Variants in NHSL1 observed in about 807,000 individuals in gnomAD.
NHSL1 encodes the protein NHS like 1.
A neutral mutation model predicts 95.0 loss-of-function variants in NHSL1; 48 were observed. The observed-to-expected ratio is 0.51, with a 90% CI of 0.40 to 0.64. The LOEUF (loss-of-function observed/expected upper bound fraction) is 0.64. Among genes scored for constraint, NHSL1 ranks in the 30% least tolerant of loss-of-function variants. The pLI, the probability that NHSL1 is intolerant of heterozygous loss-of-function variation, is 0.00. For synonymous variants in NHSL1, 783 were observed against 833.9 expected (o/e 0.94, Z 1.05); for missense variants, 1,971 against 2,077.7 (o/e 0.95, Z 1.00).
intron 1 of NHSL1, among the ~76,000 whole-genome samples, chr6:138,621,223 T>C (rs935653671): frequency 1.3e-5 from 2 of 152,214 alleles, no homozygotes; most frequent in Admixed American, 6.5e-5. Context: ...AAGTCAAACA[T>C]ATGAAAGTTC....
At chr6:138,487,739 C>T (rs1448076657) in intron 2 of NHSL1, among the ~76,000 whole-genome samples, 2 of 152,174 alleles carry the variant, frequency 1.3e-5, no homozygotes, top group African/African-American at 4.8e-5. Flanking sequence ...CCACTGACAA[C>T]ACTGCAACCA....
chr6:138,546,737 G>C (rs75913058), upstream of NHSL1, among the ~76,000 whole-genome samples: 1 of 152,300 alleles, frequency 6.6e-6, no homozygotes, highest in South Asian at 2.1e-4. Context: ...ATTAGAGTAC[G>C]AGAATTTCTA....
At position 138,425,021 on chromosome 6, in the gene NHSL1, G is replaced by GGAGTCC. The variant is rs373750596; in HGVS notation, c.4086-206_4086-205insGGACTC. 2.7e-3 allele frequency among the ~76,000 whole-genome samples: 415 copies of GGAGTCC among 152,036 alleles called. 3 individuals are homozygous for GGAGTCC. Among genetic ancestry groups the GGAGTCC allele is most frequent in the African/African-American group, 9.3e-3 (386 of 41,456 alleles). On this transcript the variant is annotated intron_variant, in intron 7 of 7. Coordinates refer to ENST00000343505, the MANE Select transcript of NHSL1 (RefSeq NM_001144060.2). ...ACGGTGGGAGGATCACTTGAGCTTA[G>GGAGTCC]GAGTTCGAGACCAGCCTGGGCAACA...
intron 3 of NHSL1, among the ~76,000 whole-genome samples, chr6:138,455,505 T>TCG (rs1451967582): frequency 6.7e-5 from 5 of 74,942 alleles, no homozygotes; most frequent in South Asian, 3.3e-4. Flanking sequence ...AGCCCCGCCT[T>TCG]CACATGCTCC....
chr6:138,607,315 A>G (rs760661188), intron 1 of NHSL1, among the ~76,000 whole-genome samples: 1 of 152,228 alleles, frequency 6.6e-6, no homozygotes, highest in Non-Finnish European at 1.5e-5. Flanking sequence ...ATTGCTATGA[A>G]CATTATTTCT....
chr6:138,631,075 T>C (rs976901780), intron 1 of NHSL1, among the ~76,000 whole-genome samples: 3 of 152,050 alleles, frequency 2.0e-5, no homozygotes, highest in African/African-American at 7.2e-5. Context: ...AAGTCAGCAA[T>C]TGTGAGGCAC....
At chr6:138,450,103 A>AATT (rs1225386761) in intron 3 of NHSL1, among the ~76,000 whole-genome samples, 1 of 152,232 alleles carries the variant, frequency 6.6e-6, no homozygotes, top group African/African-American at 2.4e-5. Context: ...CAGCTAAGCC[A>AATT]TACTGATGTA....
chr6:138,635,340 G>T (rs1036304031), intron 1 of NHSL1, among the ~76,000 whole-genome samples: 1 of 152,042 alleles, frequency 6.6e-6, no homozygotes, highest in Non-Finnish European at 1.5e-5. Context: ...AATAAAATCA[G>T]ATATGAAAAA....
At chr6:138,634,686 A>G (rs567492349) in intron 1 of NHSL1, among the ~76,000 whole-genome samples, 2 of 152,280 alleles carry the variant, frequency 1.3e-5, no homozygotes, top group South Asian at 4.1e-4. Context: ...TGCACTGTAG[A>G]CCAAATAGAC....
chr6:138,436,002 C>T (rs1250984225), intron 5 of NHSL1, among the ~76,000 whole-genome samples: 1 of 152,162 alleles, frequency 6.6e-6, no homozygotes, highest in Non-Finnish European at 1.5e-5. Context: ...TGTGTGTGTT[C>T]TGACTGCTCC....
chr6:138,584,736 T>G (rs897224497), intron 1 of NHSL1, among the ~76,000 whole-genome samples: 14 of 152,178 alleles, frequency 9.2e-5, no homozygotes, highest in African/African-American at 3.4e-4. Flanking sequence ...CACGAAGAAC[T>G]TCAAAGAAGG....
At chr6:138,501,766 A>G (rs1780693964), upstream of NHSL1, among the ~76,000 whole-genome samples, 1 of 152,216 alleles carries the variant, frequency 6.6e-6, no homozygotes, top group Non-Finnish European at 1.5e-5. Flanking sequence ...CCCCTTGGAT[A>G]CAAAAATCCT....
chr6:138,514,720 C>A (rs1462761125), intron 1 of NHSL1, among the ~76,000 whole-genome samples: 1 of 152,110 alleles, frequency 6.6e-6, no homozygotes, highest in Non-Finnish European at 1.5e-5. Flanking sequence ...GAGTTCAAGA[C>A]CAGCCTGGGG....
chr6:138,594,618 C>T (rs1463871274), intron 1 of NHSL1, among the ~76,000 whole-genome samples: 1 of 152,064 alleles, frequency 6.6e-6, no homozygotes, highest in African/African-American at 2.4e-5. Flanking sequence ...CCCCAATAAG[C>T]AGCACCGAGA....
chr6:138,589,215 T>C (rs971474404), intron 1 of NHSL1, among the ~76,000 whole-genome samples: 7 of 152,164 alleles, frequency 4.6e-5, no homozygotes, highest in African/African-American at 1.4e-4. Flanking sequence ...CAGAAGTGTA[T>C]CCTGTGCGTT....
intron 1 of NHSL1, among the ~76,000 whole-genome samples, chr6:138,638,428 T>A (rs577138494): frequency 6.6e-6 from 1 of 152,292 alleles, no homozygotes; most frequent in East Asian, 1.9e-4. Flanking sequence ...ATAGCATGCC[T>A]GTATCAAAAC....
intron 1 of NHSL1, among the ~76,000 whole-genome samples, chr6:138,669,576 A>C (rs2114755835): frequency 1.3e-5 from 2 of 152,300 alleles, no homozygotes; most frequent in East Asian, 3.9e-4. Flanking sequence ...ACGAGTGGCC[A>C]CCCTTCCCAT....
intron 3 of NHSL1, among the ~76,000 whole-genome samples, chr6:138,449,052 C>CAAAAAAAAA (rs545496586): frequency 7.9e-5 from 7 of 88,434 alleles, no homozygotes; most frequent in African/African-American, 2.6e-4. Flanking sequence ...AATTCTGTCT[C>CAAAAAAAAA]AAAAAAAAAA....
intron 1 of NHSL1, among the ~76,000 whole-genome samples, chr6:138,687,582 TAA>T (rs896790319): frequency 2.6e-5 from 4 of 152,216 alleles, no homozygotes; most frequent in South Asian, 2.1e-4. Flanking sequence ...TAAAAAGTAA[TAA>T]GTGTGTATAA....
Sources: allele counts gnomAD v4.1 joint callset (sites outside exome capture counted in the v4.1 genomes callset), GRCh38; gene constraint gnomAD v4.1.1; transcripts MANE v1.5; gene names NCBI Gene and HGNC (gene_info 2026-07-23, HGNC 2026-07-21).